Variants in DLGAP1 observed in about 807,000 individuals in gnomAD.
DLGAP1 encodes disks large-associated protein 1.
DLGAP1 carries 11 observed loss-of-function variants against 90.8 expected under a neutral mutation model. That is an observed-to-expected ratio of 0.12 (90% CI 0.08 to 0.20). The LOEUF is 0.20. Among genes scored for constraint, DLGAP1 ranks in the 10% least tolerant of loss-of-function variants. The probability of loss-of-function intolerance (pLI) is 1.00; values close to 1 mark genes in which losing one functional copy is unlikely to be tolerated. For synonymous variants in DLGAP1, 558 were observed against 540.7 expected, an observed-to-expected ratio of 1.03 and a Z score of -0.44; for missense variants, 1,050 against 1,333.8, an observed-to-expected ratio of 0.79 and a Z score of 3.31.
At chr18:4,450,535 G>C (rs568305892) in intron 1 of DLGAP1, among the ~76,000 whole-genome samples, 5 of 152,308 alleles carry the variant, frequency 3.3e-5, no homozygotes, top group Non-Finnish European at 7.3e-5. Context: ...CTAGTGCAGA[G>C]ATTCAGATGC....
intron 1 of DLGAP1, among the ~76,000 whole-genome samples, chr18:4,335,535 T>C (rs1405525623): frequency 6.6e-6 from 1 of 151,952 alleles, no homozygotes; most frequent in African/African-American, 2.4e-5. Context: ...AAAATGCAGA[T>C]TACTTTAACT....
chr18:4,109,005 C>T (rs372527472), intron 2 of DLGAP1, among the ~76,000 whole-genome samples: 1 of 152,110 alleles, frequency 6.6e-6, no homozygotes, highest in Non-Finnish European at 1.5e-5. Context: ...GAAAGAACTC[C>T]GTAATGTTTG....
intron 2 of DLGAP1, among the ~76,000 whole-genome samples, chr18:4,116,474 A>G (rs1413673062): frequency 6.6e-6 from 1 of 151,642 alleles, no homozygotes; most frequent in East Asian, 1.9e-4. Flanking sequence ...TGGCACTTCT[A>G]TTATGCATAA....
intron 7 of DLGAP1, among the ~76,000 whole-genome samples, chr18:3,696,332 T>G (rs1294771701): frequency 6.6e-6 from 1 of 152,198 alleles, no homozygotes; most frequent in Admixed American, 6.5e-5. Context: ...TGGCTGTGGG[T>G]TTGTCATAAA....
intron 5 of DLGAP1, among the ~76,000 whole-genome samples, chr18:3,787,363 C>A (rs2065503038): frequency 6.6e-6 from 1 of 151,824 alleles, no homozygotes; most frequent in African/African-American, 2.4e-5. Flanking sequence ...CACCTGTAGT[C>A]CCAGCTACTT....
chr18:3,617,147 A>T (rs1204960071), intron 7 of DLGAP1, among the ~76,000 whole-genome samples: 1 of 152,178 alleles, frequency 6.6e-6, no homozygotes, highest in Non-Finnish European at 1.5e-5. Flanking sequence ...GAGACTGAGA[A>T]GTGATGAGAT....
intron 1 of DLGAP1, among the ~76,000 whole-genome samples, chr18:4,364,968 G>C (rs945645312): frequency 2.0e-5 from 3 of 152,120 alleles, no homozygotes; most frequent in Non-Finnish European, 2.9e-5. Context: ...GTATGGTTTT[G>C]AGTGAATTTC....
chr18:3,958,519 T>C (rs1555714734), intron 3 of DLGAP1, among the ~76,000 whole-genome samples: 2 of 145,924 alleles, frequency 1.4e-5, no homozygotes, highest in Non-Finnish European at 3.0e-5. Context: ...CTAAGTCAAG[T>C]ACTCAAGATT....
chr18:3,744,376 G>T (rs2063180075), intron 5 of DLGAP1, among the ~76,000 whole-genome samples: 1 of 151,644 alleles, frequency 6.6e-6, no homozygotes, highest in Admixed American at 6.6e-5. Context: ...AAAATACACA[G>T]AAATTACAAA....
At chr18:4,074,086 A>C (rs2075490129) in intron 2 of DLGAP1, among the ~76,000 whole-genome samples, 1 of 152,142 alleles carries the variant, frequency 6.6e-6, no homozygotes, top group South Asian at 2.1e-4. Flanking sequence ...AATACTTTAT[A>C]AAGCTTGACA....
chr18:3,810,329 C>T (rs926808460), intron 5 of DLGAP1, among the ~76,000 whole-genome samples: 2 of 152,058 alleles, frequency 1.3e-5, no homozygotes, highest in African/African-American at 4.8e-5. Flanking sequence ...ATAAATAAAC[C>T]CTCAAGATGC....
chr18:3,708,222 G>A, intron 7 of DLGAP1: 2 of 356,768 alleles, frequency 5.6e-6, no homozygotes, highest in South Asian at 2.1e-5. Flanking sequence ...GGCCAGGCTG[G>A]TCTTGAATGC....
At chr18:3,719,008 T>C (rs934379054) in intron 7 of DLGAP1, among the ~76,000 whole-genome samples, 5 of 150,776 alleles carry the variant, frequency 3.3e-5, no homozygotes, top group Admixed American at 3.3e-4. Context: ...GCAAATCCAA[T>C]AGACTTTCCT....
chr18:4,413,896 G>T (rs1227972008), intron 1 of DLGAP1, among the ~76,000 whole-genome samples: 2 of 152,132 alleles, frequency 1.3e-5, no homozygotes, highest in Admixed American at 6.6e-5. Flanking sequence ...CAAGAAAACG[G>T]TTTTTGGAAA....
intron 2 of DLGAP1, among the ~76,000 whole-genome samples, chr18:4,016,181 GGAGA>G (rs2074520439): frequency 1.3e-5 from 2 of 152,078 alleles, no homozygotes; most frequent in South Asian, 4.1e-4. Flanking sequence ...ATTTTATATA[GGAGA>G]AAGAACACAA....
intron 1 of DLGAP1, among the ~76,000 whole-genome samples, chr18:4,161,196 C>T (rs542901513): frequency 6.6e-6 from 1 of 152,128 alleles, no homozygotes; most frequent in Non-Finnish European, 1.5e-5. Context: ...GTAGTAAGCC[C>T]AGTATCCATT....
chr18:4,195,056 T>C (rs1397393776), intron 1 of DLGAP1, among the ~76,000 whole-genome samples: 1 of 152,192 alleles, frequency 6.6e-6, no homozygotes, highest in Admixed American at 6.5e-5. Flanking sequence ...CTTTGTAACT[T>C]ACAAATATCA....
chr18:4,271,899 C>T (rs2079292692), intron 1 of DLGAP1, among the ~76,000 whole-genome samples: 1 of 152,114 alleles, frequency 6.6e-6, no homozygotes, highest in African/African-American at 2.4e-5. Flanking sequence ...AATCAAGTAC[C>T]CTTTTTGATG....
chr18:3,783,794 T>C (rs1016051476), intron 5 of DLGAP1, among the ~76,000 whole-genome samples: 2 of 152,176 alleles, frequency 1.3e-5, no homozygotes, highest in Non-Finnish European at 2.9e-5. Flanking sequence ...ATAAAGTGGT[T>C]ACTACAAAAA....
Sources: allele counts gnomAD v4.1 joint callset (sites outside exome capture counted in the v4.1 genomes callset), GRCh38; gene constraint gnomAD v4.1.1; transcripts MANE v1.5; gene names NCBI Gene and HGNC (gene_info 2026-07-23, HGNC 2026-07-21).